The following VPS39 variants were observed in gnomAD, a reference collection of about 807,000 sequenced individuals.
The protein encoded by VPS39 is VPS39 subunit of HOPS complex.
A neutral mutation model predicts 121.0 loss-of-function variants in VPS39; 70 were observed. The ratio of observed to expected loss-of-function variants is 0.58; its 90% CI spans 0.48 to 0.71. VPS39 has a LOEUF of 0.71. Ranked by LOEUF, VPS39 falls within the 30% of genes least tolerant of loss-of-function variation. VPS39 has a pLI of 0.00. For synonymous variants in VPS39, 378 were observed against 398.1 expected, an observed-to-expected ratio of 0.95 and a Z score of 0.60; for missense variants, 818 against 1,051.5, an observed-to-expected ratio of 0.78 and a Z score of 3.07.
At chr15:42,192,026 C>T in intron 2 of VPS39, 1 of 1,535,078 alleles carries the variant, frequency 6.5e-7, no homozygotes, top group Middle Eastern at 1.7e-4. Flanking sequence ...CACTCAAACC[C>T]ATCTCCAGAG....
rs1248112422 is a variant in VPS39 at position 42,163,702 on chromosome 15, A to G, written c.2053T>C (p.Leu685=). 2 of 1,613,514 alleles carry G rather than the reference A, an allele frequency of 1.2e-6. No individual in the cohort carries two copies. The highest frequency in any genetic ancestry group is 1.7e-6 in the Non-Finnish European group (2 of 1,179,786). Residue 685 remains leucine, a synonymous_variant, in exon 20 of 25, where the codon TTG becomes CTG. Transcript: ENST00000318006. ...DGLLEERALL[L]GRMGKHEQAL... ...TGTTCATGTTTCCCCATGCGCCCCA[A>G]CAGGAGAGCTCGTTCTTCTAAGAGG...
Position 42,162,448 on chromosome 15 carries a change from G to T in VPS39, c.2209C>A (p.Pro737Thr), listed in dbSNP as rs147022716. 2 of 1,611,932 alleles carry T rather than the reference G, an allele frequency of 1.2e-6. No homozygotes were observed. Among genetic ancestry groups the T allele is most frequent in the Non-Finnish European group, 1.7e-6 (2 of 1,178,666 alleles). The change falls in exon 22 of 25, where the codon CCC (proline) becomes ACC (threonine). Residue 737 changes from proline to threonine, a missense_variant. Coordinates refer to ENST00000318006, the MANE Select transcript of VPS39 (RefSeq NM_015289.5). ...YLSLLRMYLS[P>T]PSIHCLGPIK... ...GGCCCCAGGCAGTGAATGCTGGGGG[G>T]CGACAGGTACATCCGAAGCAGGGAC...
intron 2 of VPS39, chr15:42,199,539 C>T: frequency 2.2e-6 from 1 of 455,064 alleles, no homozygotes; most frequent in South Asian, 1.6e-5. Flanking sequence ...TTCCTACCAC[C>T]ACACCATATA....
chr15:42,197,034 T>C (rs2049955155), intron 2 of VPS39, among the ~76,000 whole-genome samples: 1 of 151,850 alleles, frequency 6.6e-6, no homozygotes, highest in South Asian at 2.1e-4. Context: ...GGGACATGGA[T>C]GAAGCTGGAA....
rs2140899547 is a variant in VPS39 at position 42,208,069 on chromosome 15, C to T, written c.73+12G>A. 6.4e-7 allele frequency: 1 copy of T among 1,573,238 alleles called. No homozygotes were observed. The highest frequency in any genetic ancestry group is 1.7e-4 in the Middle Eastern group (1 of 6,026). On this transcript the variant is annotated intron_variant, in intron 1 of 24. Coordinates refer to ENST00000318006, the MANE Select transcript of VPS39 (RefSeq NM_015289.5). Reference sequence around the variant, plus strand: ...GCTGACTCCGCCTCGGCCCCGCGGCCCCTCGGCTCACCCCAGGCAGCCAGA... The same window carrying T: ...GCTGACTCCGCCTCGGCCCCGCGGCTCCTCGGCTCACCCCAGGCAGCCAGA...
rs539891599 is a variant in VPS39, at chr15:42,163,530, G to A, written c.2129+96C>T. On this transcript the variant is annotated intron_variant, in intron 20 of 24. Coordinates refer to ENST00000318006, the MANE Select transcript of VPS39 (RefSeq NM_015289.5). ...CAGGACGGAGGCGATTCTTGCTCCC[G>A]CAGTGGAGTATGGGGAGATGGCCTT... 81 of 1,512,016 alleles carry A rather than the reference G, an allele frequency of 5.4e-5. No individual in the cohort carries two copies. The South Asian group carries it at 6.3e-4, about 12-fold the overall frequency. The allele number at this position is 1,512,016 out of a possible 1,614,324, so 93.7% of individuals were successfully genotyped here.
chr15:42,166,581 G>A lies in VPS39; in HGVS notation c.1588C>T (p.Gln530Ter), dbSNP rs1208531157. The part of the protein sequence containing the change: ...SPLKGHERTV[Q>*]YLQHLGTENL... ...GACTTACCCAGATGCTGCAGATACT[G>A]CACTGTCCTCTCGTGGCCTTTCAGA... Residue 530 changes from glutamine (Q) to a stop codon, truncating the protein, a stop_gained, in exon 15 of 25, where the codon CAG becomes TAG. Transcript: ENST00000318006. LOFTEE classifies it high-confidence loss of function. 6.2e-6 allele frequency: 10 copies of A among 1,614,106 alleles called. No homozygotes were observed. Among genetic ancestry groups the A allele is most frequent in the Non-Finnish European group, 8.5e-6 (10 of 1,180,044 alleles).
intron 7 of VPS39, among the ~76,000 whole-genome samples, chr15:42,185,206 T>A (rs1177351696): frequency 6.7e-6 from 1 of 148,808 alleles, no homozygotes; most frequent in East Asian, 2.0e-4. Flanking sequence ...TTGGAGACAG[T>A]CTTGCTCTGT....
intron 15 of VPS39, 131 bp from the exon 16 acceptor site, chr15:42,166,363 G>A: frequency 8.6e-7 from 1 of 1,157,356 alleles, no homozygotes; most frequent in Non-Finnish European, 1.2e-6. Flanking sequence ...ACTTGGGGTT[G>A]TTAGCCCTAC....
In VPS39 at chr15:42,208,189, CAG is replaced by C. The variant is rs1566916130; in HGVS notation, c.-38_-37del. The stretch of plus-strand genomic sequence containing the variant: ...GGAGAGTTGCCACCGCCGTCTCGCC[CAG>C]AGTGTTCCGGGCCGGGCTGGGGTCC... On this transcript the variant is annotated 5_prime_UTR_variant, in exon 1 of 25. Coordinates refer to ENST00000318006, the MANE Select transcript of VPS39 (RefSeq NM_015289.5). 1.9e-6 allele frequency: 3 copies of C among 1,554,768 alleles called. No homozygotes were observed. The highest frequency in any genetic ancestry group is 4.9e-5 in the East Asian group (2 of 41,180).
chr15:42,162,534 C>T lies in VPS39; in HGVS notation c.2176-53G>A, dbSNP rs2049152371. On this transcript the variant is annotated intron_variant, in intron 21 of 24. Coordinates refer to ENST00000318006, the MANE Select transcript of VPS39 (RefSeq NM_015289.5). ...AGGCTGGCAGCAACCCTCCCAGAAC[C>T]CCCAGCACTGAGCATGCCTAACGAT... The T allele has an allele frequency of 3.2e-6, 5 of 1,542,602 alleles. No individual in the cohort carries two copies. In the Admixed American group the frequency reaches 9.5e-5, roughly 29 times the overall value.
chr15:42,173,594 A>T, intron 11 of VPS39, 129 bp downstream of exon 11: 1 of 1,217,316 alleles, frequency 8.2e-7, no homozygotes, highest in Non-Finnish European at 1.1e-6. Context: ...GGATCTTGCT[A>T]GGTATGAGGA....
chr15:42,189,045 G>T, intron 5 of VPS39, 69 bp downstream of exon 5: 1 of 1,100,226 alleles, frequency 9.1e-7, no homozygotes, highest in South Asian at 1.3e-5. Context: ...CCATCTAATG[G>T]TAGGAATGAT....
intron 11 of VPS39, among the ~76,000 whole-genome samples, chr15:42,171,221 T>A (rs2049341943): frequency 6.6e-6 from 1 of 152,196 alleles, no homozygotes; most frequent in Non-Finnish European, 1.5e-5. Flanking sequence ...ACTACTTTTA[T>A]CAAACTCCCT....
chr15:42,170,246 A>C (rs2140846182), intron 11 of VPS39, among the ~76,000 whole-genome samples: 1 of 152,346 alleles, frequency 6.6e-6, no homozygotes, highest in South Asian at 2.1e-4. Flanking sequence ...ACTAAAAAAA[A>C]AGACAACAGG....
intron 15 of VPS39, 151 bp from the exon 16 acceptor site, chr15:42,166,383 T>A: frequency 9.0e-7 from 1 of 1,114,030 alleles, no homozygotes; most frequent in Non-Finnish European, 1.3e-6. Context: ...CTGGGCTGGC[T>A]CCATACCAGG....
At chr15:42,180,582 G>C (rs1019901531) in intron 8 of VPS39, among the ~76,000 whole-genome samples, 3 of 152,152 alleles carry the variant, frequency 2.0e-5, no homozygotes, top group Non-Finnish European at 4.4e-5. Context: ...TGGTGAAGGA[G>C]ATTTAACATA....
At chr15:42,174,314 C>A (rs2049406073) in intron 10 of VPS39, among the ~76,000 whole-genome samples, 1 of 152,110 alleles carries the variant, frequency 6.6e-6, no homozygotes, top group Admixed American at 6.5e-5. Flanking sequence ...GCAGCCTGCC[C>A]TTACAGTCTA....
chr15:42,192,188 G>C (rs1387990024), intron 2 of VPS39: 45 of 1,281,654 alleles, frequency 3.5e-5, no homozygotes, highest in Non-Finnish European at 4.4e-5. Context: ...AGCCTCAAAA[G>C]TCACCAATGA....
Sources: allele counts gnomAD v4.1 joint callset (sites outside exome capture counted in the v4.1 genomes callset), GRCh38; gene constraint gnomAD v4.1.1; transcripts MANE v1.5; gene names NCBI Gene and HGNC (gene_info 2026-07-23, HGNC 2026-07-21).